Variants in LUZP2 observed in about 807,000 individuals in gnomAD.
LUZP2 encodes leucine zipper protein 2.
LUZP2 carries 52 observed loss-of-function variants against 51.6 expected under a neutral mutation model. The observed-to-expected ratio is 1.01, with a 90% CI of 0.81 to 1.27. The LOEUF is 1.27. Among genes scored for constraint, LUZP2 ranks in the 50% most tolerant of loss-of-function variants. LUZP2 has a pLI of 0.00. For missense variants in LUZP2, 436 were observed against 395.4 expected (o/e 1.10, Z -0.87); for synonymous variants, 154 against 137.3 (o/e 1.12, Z -0.85).
At chr11:24,893,469 T>G (rs1852920370) in intron 5 of LUZP2, 2 of 152,074 alleles carry the variant, frequency 1.3e-5, no homozygotes, top group Non-Finnish European at 2.9e-5. Flanking sequence ...ACTTTTATTA[T>G]GCTATTTTGC....
chr11:24,645,601 C>A (rs1376203430), intron 1 of LUZP2, among the ~76,000 whole-genome samples: 1 of 152,050 alleles, frequency 6.6e-6, no homozygotes, highest in African/African-American at 2.4e-5. Flanking sequence ...CATGCTGTAT[C>A]CAATTTATCT....
chr11:25,062,609 A>AAG (rs1858876115), intron 10 of LUZP2, among the ~76,000 whole-genome samples: 1 of 148,732 alleles, frequency 6.7e-6, no homozygotes, highest in South Asian at 2.1e-4. Flanking sequence ...AAAAAAAAAA[A>AAG]AAAAGAAAGG....
At chr11:24,714,216 G>A (rs1857950326) in intron 1 of LUZP2, among the ~76,000 whole-genome samples, 1 of 151,906 alleles carries the variant, frequency 6.6e-6, no homozygotes, top group African/African-American at 2.4e-5. Context: ...CCTCAGTGAT[G>A]GGTTGATAGG....
chr11:24,625,978 A>G (rs919053693), intron 1 of LUZP2, among the ~76,000 whole-genome samples: 2 of 152,132 alleles, frequency 1.3e-5, no homozygotes, highest in Non-Finnish European at 2.9e-5. Context: ...ATAAATAGTT[A>G]CCAACTAGAG....
At chr11:24,715,164 GA>G (rs113212913) in intron 1 of LUZP2, among the ~76,000 whole-genome samples, 1 of 151,142 alleles carries the variant, frequency 6.6e-6, no homozygotes, top group Non-Finnish European at 1.5e-5. Context: ...GTAAATGTTT[GA>G]AAAAAAGACA....
intron 5 of LUZP2, among the ~76,000 whole-genome samples, chr11:24,825,971 G>A (rs1449879316): frequency 5.3e-5 from 8 of 151,442 alleles, no homozygotes; most frequent in Non-Finnish European, 1.2e-4. Context: ...GGATCACGAG[G>A]TCAGGAGATC....
chr11:24,938,004 C>G, intron 7 of LUZP2, among the ~76,000 whole-genome samples: 1 of 152,056 alleles, frequency 6.6e-6, no homozygotes, highest in Non-Finnish European at 1.5e-5. Context: ...GATTGCCCAC[C>G]TTTTCTCCTT....
intron 5 of LUZP2, among the ~76,000 whole-genome samples, chr11:24,899,986 A>G (rs981893787): frequency 2.0e-5 from 3 of 152,152 alleles, no homozygotes; most frequent in Non-Finnish European, 4.4e-5. Flanking sequence ...TGTTATATAT[A>G]TTTAATGTTA....
At chr11:25,041,473 G>A (rs1309862349) in intron 9 of LUZP2, among the ~76,000 whole-genome samples, 2 of 152,052 alleles carry the variant, frequency 1.3e-5, no homozygotes, top group Non-Finnish European at 2.9e-5. Context: ...CTGTAAATGT[G>A]ATTATTGTTA....
At chr11:24,799,537 G>A (rs558681611) in intron 5 of LUZP2, among the ~76,000 whole-genome samples, 3 of 150,896 alleles carry the variant, frequency 2.0e-5, no homozygotes, top group South Asian at 4.2e-4. Context: ...GTTGTAGTGA[G>A]CCAAGACCAC....
chr11:24,917,631 G>C (rs1016446549), intron 7 of LUZP2, among the ~76,000 whole-genome samples: 2 of 152,092 alleles, frequency 1.3e-5, no homozygotes, highest in African/African-American at 4.8e-5. Context: ...GTTTGTCAAA[G>C]ATCAGATGGT....
intron 7 of LUZP2, among the ~76,000 whole-genome samples, chr11:24,923,328 C>T (rs1173298710): frequency 6.6e-6 from 1 of 152,038 alleles, no homozygotes; most frequent in Non-Finnish European, 1.5e-5. Flanking sequence ...ACTCAATTTG[C>T]CAAAGGAAAA....
chr11:24,518,029 GA>G (rs1370691911), intron 1 of LUZP2, among the ~76,000 whole-genome samples: 2 of 152,046 alleles, frequency 1.3e-5, no homozygotes, highest in African/African-American at 4.8e-5. Context: ...TATTCATGTG[GA>G]AAATGAAATG....
chr11:24,849,889 T>G (rs970085975), intron 5 of LUZP2, among the ~76,000 whole-genome samples: 16 of 152,216 alleles, frequency 1.1e-4, no homozygotes, highest in African/African-American at 3.9e-4. Flanking sequence ...ATGCTGAGCT[T>G]TTTCTTCATA....
At position 24,627,436 on chromosome 11, in the gene LUZP2, G is replaced by A. The variant is rs765871548; in HGVS notation, c.63-101733G>A. Among the ~76,000 whole-genome samples, 195 of 152,230 alleles carry A rather than the reference G, an allele frequency of 1.3e-3. 1 individual carries two copies. The highest frequency in any genetic ancestry group is 2.4e-3 in the Non-Finnish European group (160 of 68,010). On this transcript the variant is annotated intron_variant, in intron 1 of 11. Transcript: ENST00000336930. ...TTCTTTAGTACTAGCTTGTCTCCCCGGAGTGGCAAGTCTATTGGTATACCA... is the reference window on the plus strand; with the variant it reads ...TTCTTTAGTACTAGCTTGTCTCCCCAGAGTGGCAAGTCTATTGGTATACCA...
intron 9 of LUZP2, among the ~76,000 whole-genome samples, chr11:25,024,384 A>T (rs891977232): frequency 6.6e-6 from 1 of 151,396 alleles, no homozygotes; most frequent in Non-Finnish European, 1.5e-5. Flanking sequence ...ACATGATTGT[A>T]TATTTAGAAA....
At chr11:24,988,502 C>T (rs12270698) in intron 9 of LUZP2, among the ~76,000 whole-genome samples, 100 of 152,042 alleles carry the variant, frequency 6.6e-4, no homozygotes, top group African/African-American at 2.0e-3. Flanking sequence ...GTTCTTGTTA[C>T]TTTATTATGA....
intron 1 of LUZP2, among the ~76,000 whole-genome samples, chr11:24,526,800 T>A (rs963908417): frequency 2.6e-5 from 4 of 151,334 alleles, no homozygotes; most frequent in African/African-American, 9.7e-5. Flanking sequence ...ATACAGAAGT[T>A]TCATTTCCAC....
intron 9 of LUZP2, among the ~76,000 whole-genome samples, chr11:25,037,374 G>A (rs1857899097): frequency 6.6e-6 from 1 of 152,080 alleles, no homozygotes; most frequent in Non-Finnish European, 1.5e-5. Context: ...GTCTCCTGAA[G>A]ACAACAAATG....
Sources: gnomAD v4.1 joint callset for allele counts (sites outside exome capture counted in the v4.1 genomes callset) on GRCh38, gnomAD v4.1.1 for gene constraint, MANE v1.5 for transcripts, NCBI Gene and HGNC (gene_info 2026-07-23, HGNC 2026-07-21) for gene names.